The following NEMP2 variants were observed in gnomAD, a reference collection of about 807,000 sequenced individuals.
NEMP2 encodes UPF0571 transmembrane protein.
In NEMP2, 53 loss-of-function variants were observed where a neutral mutation model predicts 54.2. That is an observed-to-expected ratio of 0.98 (90% CI 0.78 to 1.23). The LOEUF is 1.23. NEMP2 is among the 50% of genes most tolerant of loss of function. NEMP2 has a pLI of 0.00. For synonymous variants in NEMP2, 197 were observed against 190.3 expected, an observed-to-expected ratio of 1.04 and a Z score of -0.29; for missense variants, 455 against 511.3, an observed-to-expected ratio of 0.89 and a Z score of 1.06.
At chr2:190,465,722 G>A in the NEMP2 span, among the ~76,000 whole-genome samples, 3 of 152,112 alleles carry the variant, frequency 2.0e-5, no homozygotes, top group African/African-American at 4.8e-5. The surrounding 1 kb of genome is among the most constrained non-coding windows in gnomAD (Gnocchi z 4.6). Flanking sequence ...GCCGGGCGTG[G>A]TGGCTCACGC....
At position 190,510,346 on chromosome 2, in the gene NEMP2, CA is replaced by C. The variant is rs952314267; in HGVS notation, c.1130+14del. ...CTGAACTAAACTATGGTCCGAGCAG[CA>C]GAGCGGGACTTACTTGCTAGGAGTG... On this transcript the variant is annotated intron_variant, in intron 8 of 8. Transcript: ENST00000409150. This position sits in a 1 kb window ranked among gnomAD's most constrained non-coding sequence, Gnocchi z 5.7. 14 of 1,551,200 alleles carry C rather than the reference CA, an allele frequency of 9.0e-6. No individual in the cohort carries two copies. In the African/African-American group the frequency reaches 1.6e-4, roughly 18 times the overall value.
At chr2:190,480,706 G>A in the NEMP2 span, among the ~76,000 whole-genome samples, 1 of 152,290 alleles carries the variant, frequency 6.6e-6, no homozygotes, top group East Asian at 1.9e-4. Context: ...TATAAGCTCT[G>A]TGTCTTTGGA....
chr2:190,613,665 T>C, the NEMP2 span, among the ~76,000 whole-genome samples: 2 of 152,182 alleles, frequency 1.3e-5, no homozygotes, highest in South Asian at 2.1e-4. Flanking sequence ...CTTGGCTCAC[T>C]GCAACCTCCG....
At chr2:190,550,864 C>T in the NEMP2 span, among the ~76,000 whole-genome samples, 4 of 152,242 alleles carry the variant, frequency 2.6e-5, no homozygotes, top group African/African-American at 4.8e-5. This position sits in a 1 kb window ranked among gnomAD's most constrained non-coding sequence, Gnocchi z 4.7. Flanking sequence ...TGTCTTCACT[C>T]GTTTGTGTGG....
the NEMP2 span, among the ~76,000 whole-genome samples, chr2:190,451,057 C>A: frequency 3.3e-5 from 5 of 152,162 alleles, no homozygotes; most frequent in East Asian, 1.9e-4. This position sits in a 1 kb window ranked among gnomAD's most constrained non-coding sequence, Gnocchi z 5.0. Context: ...TGACTCCAGT[C>A]ATCATCCTAA....
the NEMP2 span, among the ~76,000 whole-genome samples, chr2:190,456,499 T>TA: frequency 0.012 from 1,903 of 152,272 alleles, 38 homozygotes; most frequent in African/African-American, 0.043. The surrounding 1 kb of genome is among the most constrained non-coding windows in gnomAD (Gnocchi z 5.4). Context: ...CCGCTGGTGA[T>TA]ATGAGCCCCA....
chr2:190,438,928 T>C, the NEMP2 span, among the ~76,000 whole-genome samples: 4 of 152,170 alleles, frequency 2.6e-5, no homozygotes, highest in African/African-American at 7.2e-5. This position sits in a 1 kb window ranked among gnomAD's most constrained non-coding sequence, Gnocchi z 5.2. Context: ...CGGGAGGTGG[T>C]GTTCTGTTCC....
At chr2:190,553,795 T>C in the NEMP2 span, among the ~76,000 whole-genome samples, 2 of 152,370 alleles carry the variant, frequency 1.3e-5, no homozygotes, top group Admixed American at 1.3e-4. Context: ...AGGAGGATCC[T>C]GTCCTACATC....
the NEMP2 span, chr2:190,454,489 A>C: frequency 2.6e-5 from 4 of 152,288 alleles, no homozygotes; most frequent in Non-Finnish European, 4.4e-5. This position sits in a 1 kb window ranked among gnomAD's most constrained non-coding sequence, Gnocchi z 4.6. Context: ...ACAAGAATAC[A>C]TGCTAGAGAG....
At chr2:190,430,277 A>G in the NEMP2 span, among the ~76,000 whole-genome samples, 1 of 146,064 alleles carries the variant, frequency 6.8e-6, no homozygotes, top group East Asian at 2.0e-4. Flanking sequence ...GGGTCATAGG[A>G]TAGTAGTGGA....
chr2:190,539,053 C>T (rs377506402), upstream of NEMP2, among the ~76,000 whole-genome samples: 17 of 151,862 alleles, frequency 1.1e-4, no homozygotes, highest in African/African-American at 3.4e-4. This position sits in a 1 kb window ranked among gnomAD's most constrained non-coding sequence, Gnocchi z 4.1. Context: ...TGTCCTGAAA[C>T]GTTTTCTTCT....
At chr2:190,474,571 T>C in the NEMP2 span, among the ~76,000 whole-genome samples, 3 of 152,168 alleles carry the variant, frequency 2.0e-5, no homozygotes, top group South Asian at 2.1e-4. Flanking sequence ...GAGGCAATAA[T>C]TAATAGCTTA....
the NEMP2 span, among the ~76,000 whole-genome samples, chr2:190,557,249 G>A: frequency 6.6e-6 from 1 of 152,144 alleles, no homozygotes; most frequent in Non-Finnish European, 1.5e-5. Flanking sequence ...TTAATAAATG[G>A]TATTGGGAAA....
chr2:190,563,468 T>C, the NEMP2 span, among the ~76,000 whole-genome samples: 1 of 152,210 alleles, frequency 6.6e-6, no homozygotes, highest in Admixed American at 6.5e-5. The surrounding 1 kb of genome is among the most constrained non-coding windows in gnomAD (Gnocchi z 4.3). Context: ...CCATTATGTT[T>C]TTTTCCTTGA....
At chr2:190,472,693 T>A in the NEMP2 span, among the ~76,000 whole-genome samples, 1 of 152,186 alleles carries the variant, frequency 6.6e-6, no homozygotes, top group East Asian at 1.9e-4. Flanking sequence ...ACTTCCCCAA[T>A]CTAGCAAGGC....
At chr2:190,637,046 G>T in the NEMP2 span, among the ~76,000 whole-genome samples, 1 of 152,318 alleles carries the variant, frequency 6.6e-6, no homozygotes, top group South Asian at 2.1e-4. The surrounding 1 kb of genome is among the most constrained non-coding windows in gnomAD (Gnocchi z 4.5). Context: ...AAAAAGTACA[G>T]ATTTCCCAAG....
the NEMP2 span, among the ~76,000 whole-genome samples, chr2:190,643,744 T>G: frequency 6.6e-6 from 1 of 152,120 alleles, no homozygotes; most frequent in African/African-American, 2.4e-5. Flanking sequence ...CTGGCCAACA[T>G]GGTGAAATCC....
chr2:190,463,626 G>A, the NEMP2 span, among the ~76,000 whole-genome samples: 3 of 152,146 alleles, frequency 2.0e-5, no homozygotes, highest in Non-Finnish European at 4.4e-5. This position sits in a 1 kb window ranked among gnomAD's most constrained non-coding sequence, Gnocchi z 4.4. Flanking sequence ...TTCATGACCA[G>A]CCTGGGCAAC....
chr2:190,621,799 A>G, the NEMP2 span, among the ~76,000 whole-genome samples: 1 of 152,172 alleles, frequency 6.6e-6, no homozygotes, highest in Non-Finnish European at 1.5e-5. Flanking sequence ...AAGGAGAAAG[A>G]CTATTCTTTT....
Sources: allele counts gnomAD v4.1 joint callset (sites outside exome capture counted in the v4.1 genomes callset), GRCh38; gene constraint gnomAD v4.1.1; non-coding constraint Gnocchi (gnomAD v3.1); transcripts MANE v1.5; gene names NCBI Gene and HGNC (gene_info 2026-07-23, HGNC 2026-07-21).